VPS13B: variants seen among roughly 807,000 people sequenced by gnomAD.
The protein encoded by VPS13B is vacuolar protein sorting 13 homolog B.
In VPS13B, 285 loss-of-function variants were observed where a neutral mutation model predicts 426.4. The ratio of observed to expected loss-of-function variants is 0.67; its 90% CI spans 0.61 to 0.74. The LOEUF (loss-of-function observed/expected upper bound fraction) is 0.74. Ranked by LOEUF, VPS13B falls within the 30% of genes least tolerant of loss-of-function variation. VPS13B has a pLI of 0.00. For missense variants in VPS13B, 4,537 were observed against 4,782.6 expected (o/e 0.95, Z 1.51); for synonymous variants, 1,676 against 1,676.4 (o/e 1.00, Z 0.01).
In VPS13B at chr8:99,724,808, G is replaced by A. The variant is rs148739523; in HGVS notation, c.7050+3761G>A. Reference sequence around the variant, plus strand: ...CAGCCTGTCCTTCTAAGTTTTTAGAGGAACAAATAGATTGTATAATTCCCT... The same window carrying A: ...CAGCCTGTCCTTCTAAGTTTTTAGAAGAACAAATAGATTGTATAATTCCCT... On this transcript the variant is annotated intron_variant, in intron 39 of 61. Transcript: ENST00000357162. 1.2e-4 allele frequency among the ~76,000 whole-genome samples: 19 copies of A among 152,200 alleles called. No individual in the cohort carries two copies. The East Asian group carries it at 2.3e-3, about 19-fold the overall frequency.
intron 33 of VPS13B, among the ~76,000 whole-genome samples, chr8:99,590,489 G>C (rs183175683): frequency 2.6e-5 from 4 of 151,802 alleles, no homozygotes; most frequent in South Asian, 2.1e-4. Flanking sequence ...ATAAATTTCC[G>C]TCTACACACT....
intron 39 of VPS13B, among the ~76,000 whole-genome samples, chr8:99,749,651 A>C (rs1810291293): frequency 6.6e-6 from 1 of 152,136 alleles, no homozygotes. Flanking sequence ...GTTGATGGAC[A>C]CTTGGGTTGC....
At chr8:99,793,748 T>C (rs538431310) in intron 43 of VPS13B, among the ~76,000 whole-genome samples, 61 of 152,202 alleles carry the variant, frequency 4.0e-4, no homozygotes, top group African/African-American at 1.4e-3. Flanking sequence ...TTTGGACACA[T>C]TGAATTTTAG....
intron 25 of VPS13B, among the ~76,000 whole-genome samples, chr8:99,484,150 A>G (rs1356638517): frequency 6.6e-6 from 1 of 152,126 alleles, no homozygotes; most frequent in Non-Finnish European, 1.5e-5. Context: ...TATCTTCATC[A>G]GCCAAAGTGA....
chr8:99,183,914 C>T (rs1813078078), intron 16 of VPS13B, among the ~76,000 whole-genome samples: 1 of 152,140 alleles, frequency 6.6e-6, no homozygotes, highest in South Asian at 2.1e-4. Context: ...CTAATTCTTA[C>T]CCCAACTTCA....
At chr8:99,321,042 A>C (rs1490095760) in intron 19 of VPS13B, among the ~76,000 whole-genome samples, 1 of 152,220 alleles carries the variant, frequency 6.6e-6, no homozygotes, top group East Asian at 1.9e-4. Flanking sequence ...CTCCACAAGA[A>C]AAGTAACTAT....
chr8:99,123,759 A>C (rs1435384939), intron 8 of VPS13B, among the ~76,000 whole-genome samples: 1 of 152,158 alleles, frequency 6.6e-6, no homozygotes, highest in Non-Finnish European at 1.5e-5. Context: ...ATGAATGAAA[A>C]AAAAAAGATG....
intron 3 of VPS13B, among the ~76,000 whole-genome samples, chr8:99,096,082 T>C (rs1166338431): frequency 6.6e-6 from 1 of 152,194 alleles, no homozygotes; most frequent in Admixed American, 6.5e-5. Context: ...TGATATCAGC[T>C]AAAGAAAGAA....
At chr8:99,442,302 C>T in intron 22 of VPS13B, 99 bp from the exon 23 acceptor site, 2 of 979,296 alleles carry the variant, frequency 2.0e-6, no homozygotes, top group South Asian at 1.4e-5. Context: ...AAATATGGAA[C>T]ATTTACTTTT....
chr8:99,086,738 C>T (rs1004651891), intron 3 of VPS13B, among the ~76,000 whole-genome samples: 1 of 152,200 alleles, frequency 6.6e-6, no homozygotes, highest in Non-Finnish European at 1.5e-5. Flanking sequence ...ACCCTGTTTG[C>T]CTGGGTATCA....
chr8:99,758,894 G>A (rs1056952326), intron 39 of VPS13B, among the ~76,000 whole-genome samples: 1 of 152,016 alleles, frequency 6.6e-6, no homozygotes, highest in African/African-American at 2.4e-5. Context: ...TCACCATTGC[G>A]ACCCTCTGAT....
chr8:99,702,576 GA>G (rs1832327468), intron 36 of VPS13B, among the ~76,000 whole-genome samples: 2 of 152,222 alleles, frequency 1.3e-5, no homozygotes, highest in African/African-American at 2.4e-5. Context: ...TTGTTTATGT[GA>G]ATCTGCATAA....
intron 5 of VPS13B, among the ~76,000 whole-genome samples, chr8:99,103,595 G>T (rs1276061428): frequency 6.7e-6 from 1 of 149,912 alleles, no homozygotes; most frequent in Admixed American, 6.7e-5. Flanking sequence ...ACCTCCCCGG[G>T]TTCACACCAT....
At chr8:99,336,176 A>G (rs1487937650) in intron 19 of VPS13B, among the ~76,000 whole-genome samples, 1 of 152,176 alleles carries the variant, frequency 6.6e-6, no homozygotes, top group Admixed American at 6.6e-5. Flanking sequence ...ATATAGATCA[A>G]TGGAACAGAA....
intron 23 of VPS13B, among the ~76,000 whole-genome samples, chr8:99,461,742 CTT>C (rs914737969): frequency 7.9e-5 from 12 of 152,100 alleles, no homozygotes; most frequent in Non-Finnish European, 1.6e-4. Context: ...AAGAATTACA[CTT>C]TTTCAGAAAG....
At chr8:99,566,783 C>G (rs913776899) in intron 31 of VPS13B, among the ~76,000 whole-genome samples, 6 of 152,032 alleles carry the variant, frequency 3.9e-5, no homozygotes, top group Non-Finnish European at 5.9e-5. Context: ...AGGGGCCAAA[C>G]AGGATTATAT....
At chr8:99,813,143 T>C (rs1395439738) in intron 44 of VPS13B, among the ~76,000 whole-genome samples, 6 of 152,190 alleles carry the variant, frequency 3.9e-5, no homozygotes, top group African/African-American at 1.4e-4. Context: ...AGCACACTAC[T>C]CCACTGAGTG....
intron 21 of VPS13B, among the ~76,000 whole-genome samples, chr8:99,413,375 G>A (rs1327851611): frequency 6.6e-6 from 1 of 152,082 alleles, no homozygotes; most frequent in Non-Finnish European, 1.5e-5. Flanking sequence ...TCTGATGGTA[G>A]TTTGTATTTC....
At chr8:99,450,898 C>T (rs999193251) in intron 23 of VPS13B, among the ~76,000 whole-genome samples, 9 of 151,930 alleles carry the variant, frequency 5.9e-5, no homozygotes, top group Non-Finnish European at 1.2e-4. Flanking sequence ...AGAACACATT[C>T]GTATGTAACT....
Sources: gnomAD v4.1 joint callset for allele counts (sites outside exome capture counted in the v4.1 genomes callset) on GRCh38, gnomAD v4.1.1 for gene constraint, MANE v1.5 for transcripts, NCBI Gene and HGNC (gene_info 2026-07-23, HGNC 2026-07-21) for gene names.